The following GUCY1A2 variants were observed in gnomAD, a reference collection of about 807,000 sequenced individuals.
GUCY1A2 encodes guanylate cyclase soluble subunit alpha-2.
GUCY1A2 carries 27 observed loss-of-function variants against 63.5 expected under a neutral mutation model. That is an observed-to-expected ratio of 0.43 (90% CI 0.31 to 0.59). GUCY1A2 has a LOEUF of 0.59. Among genes scored for constraint, GUCY1A2 ranks in the 20% least tolerant of loss-of-function variants. The pLI is 0.11. For missense variants in GUCY1A2, 768 were observed against 913.3 expected (o/e 0.84, Z 2.05); for synonymous variants, 364 against 343.5 (o/e 1.06, Z -0.66).
At chr11:106,900,111 T>TA (rs1028664445) in intron 4 of GUCY1A2, among the ~76,000 whole-genome samples, 2 of 150,786 alleles carry the variant, frequency 1.3e-5, no homozygotes, top group African/African-American at 4.9e-5. Context: ...AAACAATCTA[T>TA]AATATATGTA....
chr11:106,826,831 G>T (rs1858977693), intron 4 of GUCY1A2: 2 of 1,608,242 alleles, frequency 1.2e-6, no homozygotes, highest in Non-Finnish European at 8.5e-7. Flanking sequence ...GTCACCGGCA[G>T]CATAGATATC....
intron 6 of GUCY1A2, among the ~76,000 whole-genome samples, chr11:106,773,993 T>G (rs1864305596): frequency 6.6e-6 from 1 of 152,314 alleles, no homozygotes; most frequent in Non-Finnish European, 1.5e-5. Flanking sequence ...TTTTTACATT[T>G]ACCTCCCACA....
chr11:106,791,343 A>G (rs923251517), intron 5 of GUCY1A2, among the ~76,000 whole-genome samples: 1 of 152,186 alleles, frequency 6.6e-6, no homozygotes. Flanking sequence ...CAGCTACTAC[A>G]GGGGGAATTG....
In GUCY1A2 at chr11:106,700,073, T is replaced by A. The variant is rs114268177; in HGVS notation, c.1991+8439A>T. ...AAAATATGTCTTAAATTTCCAGACATACTCTTCATTTCATATCTATGAAAA... is the reference window on the plus strand; with the variant it reads ...AAAATATGTCTTAAATTTCCAGACAAACTCTTCATTTCATATCTATGAAAA... On this transcript the variant is annotated intron_variant, in intron 7 of 7. Transcript: ENST00000526355. 7.3e-3 allele frequency among the ~76,000 whole-genome samples: 1,106 copies of A among 152,310 alleles called. 13 individuals are homozygous for A. Among genetic ancestry groups the A allele is most frequent in the African/African-American group, 0.025 (1,055 of 41,576 alleles).
chr11:106,951,905 A>G (rs1453120445), intron 3 of GUCY1A2, among the ~76,000 whole-genome samples: 1 of 152,152 alleles, frequency 6.6e-6, no homozygotes, highest in African/African-American at 2.4e-5. Flanking sequence ...TCTTGAGTTA[A>G]TTTTTGTATA....
chr11:106,850,522 A>G (rs924598564), intron 4 of GUCY1A2, among the ~76,000 whole-genome samples: 3 of 151,506 alleles, frequency 2.0e-5, no homozygotes, highest in African/African-American at 7.3e-5. Flanking sequence ...ACTCTTCCCA[A>G]CCTCACCCAC....
chr11:106,934,154 G>T (rs2119954426), intron 4 of GUCY1A2, among the ~76,000 whole-genome samples: 2 of 152,238 alleles, frequency 1.3e-5, no homozygotes, highest in Middle Eastern at 3.4e-3. Context: ...AATGATCAGA[G>T]AGCAGTTCTA....
intron 6 of GUCY1A2, among the ~76,000 whole-genome samples, chr11:106,760,355 T>G (rs1375974850): frequency 6.6e-6 from 1 of 151,616 alleles, no homozygotes; most frequent in African/African-American, 2.4e-5. Flanking sequence ...GAGTTGAGAT[T>G]ATGTAGTTGG....
At chr11:106,848,438 G>A (rs535826727) in intron 4 of GUCY1A2, among the ~76,000 whole-genome samples, 2 of 151,556 alleles carry the variant, frequency 1.3e-5, no homozygotes, top group South Asian at 4.2e-4. Flanking sequence ...ACATGTACCT[G>A]GCAGTGAACC....
chr11:106,966,270 C>A (rs1309840188), intron 3 of GUCY1A2, among the ~76,000 whole-genome samples: 2 of 151,914 alleles, frequency 1.3e-5, no homozygotes, highest in African/African-American at 4.8e-5. Context: ...CCAGGCCTGG[C>A]TAGTTTTTAT....
chr11:106,970,869 G>A (rs981738947), intron 3 of GUCY1A2, among the ~76,000 whole-genome samples: 3 of 149,668 alleles, frequency 2.0e-5, no homozygotes, highest in Non-Finnish European at 3.0e-5. Flanking sequence ...CATGTTAAAT[G>A]GAATATTTTT....
chr11:106,822,326 T>C (rs1342034127), intron 4 of GUCY1A2, among the ~76,000 whole-genome samples: 2 of 152,208 alleles, frequency 1.3e-5, no homozygotes, highest in Non-Finnish European at 2.9e-5. Context: ...AGTAAAATTA[T>C]GAATTTTTCC....
intron 3 of GUCY1A2, among the ~76,000 whole-genome samples, chr11:106,975,179 A>T (rs1434999998): frequency 6.6e-6 from 1 of 152,074 alleles, no homozygotes; most frequent in Non-Finnish European, 1.5e-5. Context: ...TTCTCCCTTA[A>T]CTCTCCTACT....
intron 6 of GUCY1A2, among the ~76,000 whole-genome samples, chr11:106,731,606 T>C (rs1469489720): frequency 6.6e-6 from 1 of 152,114 alleles, no homozygotes; most frequent in Admixed American, 6.6e-5. Flanking sequence ...AACCCTGTTT[T>C]CAGACAATAT....
chr11:107,005,930 G>A (rs961553475), intron 1 of GUCY1A2, among the ~76,000 whole-genome samples: 4 of 152,192 alleles, frequency 2.6e-5, no homozygotes, highest in South Asian at 2.1e-4. Context: ...GCCAAAGATT[G>A]TGGCTAGAGG....
At chr11:106,808,446 T>C (rs533031435) in intron 5 of GUCY1A2, among the ~76,000 whole-genome samples, 3 of 152,238 alleles carry the variant, frequency 2.0e-5, no homozygotes, top group Non-Finnish European at 4.4e-5. Flanking sequence ...ATGCTTGATG[T>C]CTAAGAAATC....
At chr11:106,853,574 T>C (rs1048534894) in intron 4 of GUCY1A2, among the ~76,000 whole-genome samples, 7 of 152,164 alleles carry the variant, frequency 4.6e-5, no homozygotes, top group African/African-American at 1.7e-4. Flanking sequence ...TTATATTGCT[T>C]ATCTGTGTTG....
chr11:106,830,991 T>G (rs1859042889), intron 4 of GUCY1A2, among the ~76,000 whole-genome samples: 1 of 152,124 alleles, frequency 6.6e-6, no homozygotes, highest in Non-Finnish European at 1.5e-5. Flanking sequence ...AACTATGAAA[T>G]TATGTTGAAG....
chr11:106,697,774 A>C (rs982978101), intron 7 of GUCY1A2, among the ~76,000 whole-genome samples: 8 of 152,202 alleles, frequency 5.3e-5, no homozygotes, highest in Non-Finnish European at 1.2e-4. Flanking sequence ...TTCAAGGCAC[A>C]GTATTAACCA....
Sources: gnomAD v4.1 joint callset for allele counts (sites outside exome capture counted in the v4.1 genomes callset) on GRCh38, gnomAD v4.1.1 for gene constraint, MANE v1.5 for transcripts, NCBI Gene and HGNC (gene_info 2026-07-23, HGNC 2026-07-21) for gene names.